Variants in HS3ST4 observed in about 807,000 individuals in gnomAD.
The protein encoded by HS3ST4 is heparan sulfate glucosamine 3-O-sulfotransferase 4.
A neutral mutation model predicts 29.2 loss-of-function variants in HS3ST4; 17 were observed. That is an observed-to-expected ratio of 0.58 (90% CI 0.40 to 0.87). HS3ST4 has a LOEUF of 0.87. Among genes scored for constraint, HS3ST4 ranks in the 40% least tolerant of loss-of-function variants. The pLI, the probability that HS3ST4 is intolerant of heterozygous loss-of-function variation, is 0.00. For synonymous variants in HS3ST4, 314 were observed against 285.7 expected, an observed-to-expected ratio of 1.10 and a Z score of -1.00; for missense variants, 627 against 634.5, an observed-to-expected ratio of 0.99 and a Z score of 0.13.
chr16:25,752,106 G>T lies in HS3ST4; in HGVS notation c.734+58955G>T, dbSNP rs371735750. 3.6e-3 allele frequency among the ~76,000 whole-genome samples: 546 copies of T among 152,148 alleles called. 3 individuals carry two copies. Among genetic ancestry groups the T allele is most frequent in the Middle Eastern group, 0.01 (3 of 292 alleles). The stretch of plus-strand genomic sequence containing the variant: ...TACAAGTGGAGATTGGACTAGGAAG[G>T]TACCTCTCCATTCATTATTCAGTGA... On this transcript the variant is annotated intron_variant, in intron 1 of 1. Transcript: ENST00000331351.
intron 1 of HS3ST4, among the ~76,000 whole-genome samples, chr16:26,057,927 A>AGCTGAGCCTT: frequency 6.7e-6 from 1 of 149,964 alleles, no homozygotes; most frequent in African/African-American, 2.5e-5. Flanking sequence ...GTTTCAGGAA[A>AGCTGAGCCTT]CATCTCACTG....
intron 1 of HS3ST4, among the ~76,000 whole-genome samples, chr16:26,039,848 C>T (rs938751943): frequency 1.4e-4 from 22 of 152,020 alleles, no homozygotes; most frequent in Admixed American, 4.6e-4. Context: ...GAAAAACTTC[C>T]GCATTGAATT....
rs555625032 is a variant in HS3ST4, at chr16:26,123,144, A to G, written c.735-12468A>G. On this transcript the variant is annotated intron_variant, in intron 1 of 1. Coordinates refer to ENST00000331351, the MANE Select transcript of HS3ST4 (RefSeq NM_006040.3). ...GTTTGTACCTACTATGTGCACCACA[A>G]TGCTAGCAGTGATAACATGAGGGAG... 5.9e-5 allele frequency among the ~76,000 whole-genome samples: 9 copies of G among 152,214 alleles called. No homozygotes were observed. In the East Asian group the frequency reaches 1.7e-3, roughly 29 times the overall value.
At chr16:26,113,582 G>T (rs542664673) in intron 1 of HS3ST4, among the ~76,000 whole-genome samples, 2 of 150,520 alleles carry the variant, frequency 1.3e-5, no homozygotes, top group Non-Finnish European at 3.0e-5. Context: ...CCAGTTTCCA[G>T]CTCTCAGCCT....
At chr16:25,896,440 G>A (rs116130477) in intron 1 of HS3ST4, among the ~76,000 whole-genome samples, 3,175 of 152,174 alleles carry the variant, frequency 0.021, 128 homozygotes, top group African/African-American at 0.073. Context: ...AATCAAAAGC[G>A]CAATGAGATA....
chr16:25,857,898 TTCTTCCTTCCTTCCTTCCTTCCTTTC>T (rs1567257001), intron 1 of HS3ST4, among the ~76,000 whole-genome samples: 44 of 49,800 alleles, frequency 8.8e-4, no homozygotes, highest in African/African-American at 2.6e-3. Flanking sequence ...TTCTTTTTCT[TTCTTCCTTCCTTCCTTCCTTCCTTTC>T]TTTCTTTCTT....
intron 1 of HS3ST4, among the ~76,000 whole-genome samples, chr16:25,719,364 AAGAC>A (rs1966477823): frequency 1.4e-5 from 2 of 145,796 alleles, no homozygotes; most frequent in East Asian, 2.1e-4. Context: ...TCTAAATAAG[AAGAC>A]AGACAGACAA....
intron 1 of HS3ST4, among the ~76,000 whole-genome samples, chr16:25,854,088 CT>C (rs772394649): frequency 6.6e-6 from 1 of 150,654 alleles, no homozygotes; most frequent in Non-Finnish European, 1.5e-5. Context: ...GTATGGATTT[CT>C]TTTTTGTCCA....
At chr16:26,004,926 G>A (rs1013216174) in intron 1 of HS3ST4, among the ~76,000 whole-genome samples, 3 of 152,154 alleles carry the variant, frequency 2.0e-5, no homozygotes, top group African/African-American at 7.2e-5. Flanking sequence ...CAGTGTCTAT[G>A]CTTAATGTTC....
intron 1 of HS3ST4, among the ~76,000 whole-genome samples, chr16:26,103,313 A>G (rs190554402): frequency 6.6e-6 from 1 of 152,306 alleles, no homozygotes; most frequent in East Asian, 1.9e-4. Flanking sequence ...CATCACTATT[A>G]TAGCTAAGAA....
intron 1 of HS3ST4, among the ~76,000 whole-genome samples, chr16:25,910,407 G>A (rs1048604593): frequency 6.6e-6 from 1 of 152,126 alleles, no homozygotes; most frequent in Admixed American, 6.6e-5. Flanking sequence ...TTGGGAGGCC[G>A]AGGCGGGCAG....
intron 1 of HS3ST4, among the ~76,000 whole-genome samples, chr16:25,769,991 A>G (rs1966839868): frequency 6.6e-6 from 1 of 152,140 alleles, no homozygotes; most frequent in Non-Finnish European, 1.5e-5. Flanking sequence ...GGGGTCACTG[A>G]AAGGATTTTT....
intron 1 of HS3ST4, among the ~76,000 whole-genome samples, chr16:25,813,220 G>A (rs905824225): frequency 6.6e-6 from 1 of 152,194 alleles, no homozygotes; most frequent in Non-Finnish European, 1.5e-5. Context: ...TTGAGGAAAT[G>A]CACATTAAAA....
chr16:25,777,912 A>G (rs1966849107), intron 1 of HS3ST4, among the ~76,000 whole-genome samples: 1 of 152,168 alleles, frequency 6.6e-6, no homozygotes, highest in Non-Finnish European at 1.5e-5. Context: ...CACACCATGT[A>G]TAGTTTGTTT....
At chr16:26,099,327 A>C (rs1180095415) in intron 1 of HS3ST4, among the ~76,000 whole-genome samples, 1 of 152,078 alleles carries the variant, frequency 6.6e-6, no homozygotes, top group African/African-American at 2.4e-5. Flanking sequence ...ACTAATTTTC[A>C]AAAATTTTTG....
At chr16:25,981,510 A>T (rs1384084016) in intron 1 of HS3ST4, among the ~76,000 whole-genome samples, 1 of 151,840 alleles carries the variant, frequency 6.6e-6, no homozygotes, top group Admixed American at 6.6e-5. Context: ...ACCTGCCCTC[A>T]TTTCACACCT....
intron 1 of HS3ST4, among the ~76,000 whole-genome samples, chr16:25,784,734 C>T (rs1003317781): frequency 2.0e-5 from 3 of 152,110 alleles, no homozygotes; most frequent in African/African-American, 4.8e-5. Context: ...CATAAAAATG[C>T]GAGGTAAAGC....
chr16:26,096,629 A>G (rs1228411517), intron 1 of HS3ST4, among the ~76,000 whole-genome samples: 2 of 152,218 alleles, frequency 1.3e-5, no homozygotes, highest in Non-Finnish European at 2.9e-5. Context: ...ACAATCCCAC[A>G]GCCATTATCA....
chr16:26,074,730 T>G (rs1203174306), intron 1 of HS3ST4, among the ~76,000 whole-genome samples: 1 of 152,168 alleles, frequency 6.6e-6, no homozygotes, highest in East Asian at 1.9e-4. Flanking sequence ...CACAATGCAA[T>G]GTATTACCTG....
Sources: gnomAD v4.1 joint callset for allele counts (sites outside exome capture counted in the v4.1 genomes callset) on GRCh38, gnomAD v4.1.1 for gene constraint, MANE v1.5 for transcripts, NCBI Gene and HGNC (gene_info 2026-07-23, HGNC 2026-07-21) for gene names.